RIOK3: variants seen among roughly 807,000 people sequenced by gnomAD.
RIOK3 encodes serine/threonine-protein kinase RIO3.
In RIOK3, 40 loss-of-function variants were observed where a neutral mutation model predicts 63.5. That is an observed-to-expected ratio of 0.63 (90% CI 0.49 to 0.82). The LOEUF is 0.82. Ranked by LOEUF, RIOK3 falls within the 40% of genes least tolerant of loss-of-function variation. The probability of loss-of-function intolerance (pLI) is 0.00; values close to 1 mark genes in which losing one functional copy is unlikely to be tolerated. For missense variants in RIOK3, 557 were observed against 637.0 expected (o/e 0.87, Z 1.35); for synonymous variants, 193 against 205.0 (o/e 0.94, Z 0.50).
chr18:23,467,090 C>T (rs2057414014), intron 6 of RIOK3, among the ~76,000 whole-genome samples: 1 of 151,518 alleles, frequency 6.6e-6, no homozygotes, highest in South Asian at 2.1e-4. Flanking sequence ...CCAAGGCGGG[C>T]GGATCATGAG....
At chr18:23,475,136 C>T (rs368680662) in intron 9 of RIOK3, 29 bp downstream of exon 9, 28 of 1,536,168 alleles carry the variant, frequency 1.8e-5, no homozygotes, top group Non-Finnish European at 2.5e-5. Context: ...AGAATTCACA[C>T]ACTACCTTTA....
At chr18:23,466,069 T>C in intron 5 of RIOK3, 64 bp from the exon 6 acceptor site, 1 of 1,308,608 alleles carries the variant, frequency 7.6e-7, no homozygotes, top group Non-Finnish European at 1.0e-6. Flanking sequence ...TTTGGTTGTT[T>C]TTGTTTTTGT....
chr18:23,453,321 T>C lies in RIOK3; in HGVS notation c.-119T>C, dbSNP rs770076933. 16 of 824,792 alleles carry C rather than the reference T, an allele frequency of 1.9e-5. No homozygotes were observed. The highest frequency in any genetic ancestry group is 3.3e-5 in the Non-Finnish European group (16 of 486,044). The allele number at this position is 824,792 out of a possible 1,614,324, so 51.1% of individuals were successfully genotyped here. A position where few individuals can be genotyped will look rare whatever the true frequency, so the allele number is the denominator to read the frequency against. ...CGCGGCCGCCGCCGTCGCCGCCATC[T>C]GTCACCTCCACTCCGGCATCAGCAG... On this transcript the variant is annotated 5_prime_UTR_variant, in exon 1 of 13. Transcript: ENST00000339486.
intron 4 of RIOK3, 55 bp from the exon 5 acceptor site, chr18:23,464,464 C>T: frequency 8.1e-7 from 1 of 1,239,370 alleles, no homozygotes; most frequent in Non-Finnish European, 1.2e-6. Flanking sequence ...ACGTTGAATG[C>T]AGCAATGTAG....
Position 23,464,303 on chromosome 18 carries a change from C to T in RIOK3, c.423C>T (p.Pro141=). 1 of 1,612,690 alleles carries T rather than the reference C, an allele frequency of 6.2e-7. No homozygotes were observed. The highest frequency in any genetic ancestry group is 8.5e-7 in the Non-Finnish European group (1 of 1,178,964). The change falls in exon 4 of 13, where the codon CCC becomes CCT. Residue 141 remains proline (P), a synonymous_variant. Transcript: ENST00000339486. ...ACTGGCAGGATACTCGTGATGATCC[C>T]TACAGACCAGGTACCAAAGTTTTTA... ...EVDWQDTRDD[P]YRPAKPVPTP... is the part of the protein sequence containing the mutation.
intron 1 of RIOK3, among the ~76,000 whole-genome samples, chr18:23,457,512 A>T (rs1207458900): frequency 6.6e-6 from 1 of 152,226 alleles, no homozygotes; most frequent in Non-Finnish European, 1.5e-5. Context: ...ACTTTAGTTA[A>T]TAATAATTAT....
intron 9 of RIOK3, among the ~76,000 whole-genome samples, 163 bp from the exon 10 acceptor site, chr18:23,476,843 C>T (rs553066476): frequency 7.2e-4 from 109 of 152,058 alleles, no homozygotes; most frequent in African/African-American, 1.1e-3. Context: ...ACCAGGGAGG[C>T]GGAGCTTGCA....
chr18:23,480,555 G>GCACACACACACACA (rs59552026), intron 12 of RIOK3, among the ~76,000 whole-genome samples: 3,777 of 141,996 alleles, frequency 0.027, 85 homozygotes, highest in Middle Eastern at 0.032. Context: ...TTGGATGCAC[G>GCACACACACACACA]CACACACACA....
At chr18:23,458,509 A>G (rs1194671817) in intron 1 of RIOK3, among the ~76,000 whole-genome samples, 3 of 152,220 alleles carry the variant, frequency 2.0e-5, no homozygotes, top group Non-Finnish European at 2.9e-5. Context: ...TTTGAAGTAG[A>G]ATCGCTGACT....
chr18:23,456,861 T>C (rs1302991406), intron 1 of RIOK3, among the ~76,000 whole-genome samples: 1 of 152,238 alleles, frequency 6.6e-6, no homozygotes, highest in East Asian at 1.9e-4. Flanking sequence ...CACAGCTAAG[T>C]AGATTGTAGC....
intron 11 of RIOK3, among the ~76,000 whole-genome samples, chr18:23,478,606 CATATATATATATATATATATATAT>C (rs67305895): frequency 0.18 from 23,797 of 130,544 alleles, 2,992 homozygotes; most frequent in Non-Finnish European, 0.24. Flanking sequence ...AAAAACAAAA[CATATATATATATATATATATATAT>C]ATATATATAT....
chr18:23,458,637 G>C (rs148412986), intron 1 of RIOK3, among the ~76,000 whole-genome samples: 3 of 152,178 alleles, frequency 2.0e-5, no homozygotes, highest in African/African-American at 7.2e-5. Context: ...TATGGAGGGC[G>C]TTTCCCCCAT....
In RIOK3 at chr18:23,453,915, A is replaced by G. The variant is rs182696412; in HGVS notation, c.63+413A>G. Among the ~76,000 whole-genome samples the G allele has an allele frequency of 2.8e-3, 426 of 152,296 alleles. 3 individuals are homozygous for G. The highest frequency in any genetic ancestry group is 9.8e-3 in the African/African-American group (407 of 41,554). ...TTTAGGAAGCTGTTTACTTAATTTG[A>G]TAAGTGTGGTTATCCCAGTTTGGAA... is the stretch of plus-strand genomic sequence containing the variant. On this transcript the variant is annotated intron_variant, in intron 1 of 12. Coordinates refer to ENST00000339486, the MANE Select transcript of RIOK3 (RefSeq NM_003831.5).
chr18:23,459,488 T>C (rs1263449983), intron 1 of RIOK3, among the ~76,000 whole-genome samples: 1 of 152,090 alleles, frequency 6.6e-6, no homozygotes, highest in South Asian at 2.1e-4. Context: ...CCTAATACAG[T>C]GATGAGTTCT....
chr18:23,480,606 C>G (rs1239431173), intron 12 of RIOK3, among the ~76,000 whole-genome samples: 1 of 131,254 alleles, frequency 7.6e-6, no homozygotes, highest in Admixed American at 7.6e-5. Context: ...AATTTCAACT[C>G]AAAGGCAGAA....
rs1462971496 is a variant in RIOK3 at position 23,464,574 on chromosome 18, C to T, written c.489C>T (p.Thr163=). 6.2e-7 allele frequency: 1 copy of T among 1,608,210 alleles called. No individual in the cohort carries two copies. The highest frequency in any genetic ancestry group is 2.2e-5 in the East Asian group (1 of 44,636). The stretch of plus-strand genomic sequence containing the variant: ...TTATTGGAAAAGGAAAAGATATCAC[C>T]ACCAAACATGATGAAGTAGTATGTG... ...KGFIGKGKDI[T]TKHDEVVCGR... The change falls in exon 5 of 13, where the codon ACC becomes ACT. Residue 163 remains threonine (T), a synonymous_variant. Coordinates refer to ENST00000339486, the MANE Select transcript of RIOK3 (RefSeq NM_003831.5).
In RIOK3 at chr18:23,466,291, A is replaced by AT. The variant is rs34308695; in HGVS notation, c.687+26dup. On this transcript the variant is annotated intron_variant, in intron 6 of 12. Coordinates refer to ENST00000339486, the MANE Select transcript of RIOK3 (RefSeq NM_003831.5). ...ATTCTACAGCAGTAAGGATTTATAG[A>AT]TTTTTTTTTTTCTTTTTTACTAGAA... The AT allele has an allele frequency of 0.036, 47,477 of 1,307,912 alleles. 268 individuals carry two copies. Among genetic ancestry groups the AT allele is most frequent in the South Asian group, 0.086 (5,786 of 67,478 alleles). 81.0% of individuals were successfully genotyped at this position (1,307,912 alleles called of 1,614,324 possible).
chr18:23,466,696 A>AG (rs1190974880), intron 6 of RIOK3, among the ~76,000 whole-genome samples: 2 of 150,946 alleles, frequency 1.3e-5, no homozygotes, highest in East Asian at 3.9e-4. Context: ...CCTTAAAAAA[A>AG]AAAAAAAAAA....
At chr18:23,479,037 C>A in intron 11 of RIOK3, 1 of 315,072 alleles carries the variant, frequency 3.2e-6, no homozygotes, top group East Asian at 6.1e-5. Flanking sequence ...AATGTAGTGG[C>A]TCAAGAGATC....
Sources: gnomAD v4.1 joint callset for allele counts (sites outside exome capture counted in the v4.1 genomes callset) on GRCh38, gnomAD v4.1.1 for gene constraint, MANE v1.5 for transcripts, NCBI Gene and HGNC (gene_info 2026-07-23, HGNC 2026-07-21) for gene names.